The following EML5 variants were observed in gnomAD, a reference collection of about 807,000 sequenced individuals.
The protein encoded by EML5 is echinoderm microtubule-associated protein-like 5.
A neutral mutation model predicts 250.0 loss-of-function variants in EML5; 120 were observed. The observed-to-expected ratio is 0.48, with a 90% confidence interval of 0.41 to 0.56. The LOEUF (loss-of-function observed/expected upper bound fraction) is 0.56, where lower values mean the gene tolerates loss of function less well. EML5 is among the 20% of genes least tolerant of loss of function. The pLI is 0.00. For synonymous variants in EML5, 771 were observed against 806.5 expected, an observed-to-expected ratio of 0.96 and a Z score of 0.75; for missense variants, 2,006 against 2,437.6, an observed-to-expected ratio of 0.82 and a Z score of 3.73.
At chr14:88,616,669 T>C in intron 42 of EML5, 57 bp downstream of exon 42, 1 of 1,505,688 alleles carries the variant, frequency 6.6e-7, no homozygotes. Context: ...AAAGTGCTGA[T>C]GATAAGACAT....
chr14:88,666,331 A>G (rs2092306240), intron 21 of EML5, among the ~76,000 whole-genome samples: 2 of 152,156 alleles, frequency 1.3e-5, no homozygotes, highest in Non-Finnish European at 2.9e-5. Context: ...GGTTCAAGTG[A>G]TTCTCCTGCC....
At chr14:88,745,213 T>C (rs2093988326) in intron 3 of EML5, among the ~76,000 whole-genome samples, 1 of 132,396 alleles carries the variant, frequency 7.6e-6, no homozygotes, top group East Asian at 2.0e-4. Flanking sequence ...GGCCTCTCTG[T>C]GCACCTACTA....
intron 27 of EML5, 44 bp from the exon 28 acceptor site, chr14:88,649,970 A>G: frequency 1.4e-6 from 2 of 1,411,736 alleles, no homozygotes; most frequent in South Asian, 3.1e-5. Flanking sequence ...AACATATAAA[A>G]ATTGATGATG....
intron 32 of EML5, among the ~76,000 whole-genome samples, chr14:88,636,231 G>A (rs957490017): frequency 1.2e-4 from 19 of 152,220 alleles, no homozygotes; most frequent in Non-Finnish European, 1.9e-4. Context: ...CCATCTGGTA[G>A]AGAATTCTGG....
chr14:88,638,406 C>G (rs1227648777), intron 32 of EML5, among the ~76,000 whole-genome samples: 1 of 152,170 alleles, frequency 6.6e-6, no homozygotes, highest in Non-Finnish European at 1.5e-5. Flanking sequence ...CAGCCTGAAC[C>G]CCCACGGAAG....
At chr14:88,768,270 T>G (rs972805689) in intron 1 of EML5, among the ~76,000 whole-genome samples, 1 of 152,190 alleles carries the variant, frequency 6.6e-6, no homozygotes, top group Non-Finnish European at 1.5e-5. Context: ...AAGTTTTTCT[T>G]TGTAGTCACT....
chr14:88,667,633 C>A (rs963465864), intron 21 of EML5, among the ~76,000 whole-genome samples: 1 of 152,074 alleles, frequency 6.6e-6, no homozygotes, highest in East Asian at 1.9e-4. Flanking sequence ...TGCTAGCTTG[C>A]CAGTAGAGGG....
chr14:88,646,001 C>A (rs1818826537), intron 29 of EML5, among the ~76,000 whole-genome samples: 1 of 152,126 alleles, frequency 6.6e-6, no homozygotes, highest in Non-Finnish European at 1.5e-5. Flanking sequence ...ATTTTTATCT[C>A]AACCATTATT....
intron 9 of EML5, among the ~76,000 whole-genome samples, chr14:88,714,149 T>C (rs2093452968): frequency 1.3e-5 from 2 of 152,154 alleles, no homozygotes; most frequent in African/African-American, 4.8e-5. Context: ...GCAAAGTTTA[T>C]TTGAGATAAA....
At chr14:88,669,759 T>A (rs1014092069) in intron 21 of EML5, among the ~76,000 whole-genome samples, 6 of 152,172 alleles carry the variant, frequency 3.9e-5, no homozygotes, top group African/African-American at 1.4e-4. Context: ...CTTCATTAAG[T>A]GGGTCCTGGA....
Position 88,740,335 on chromosome 14 carries a change from A to G in EML5, c.711+52T>C, listed in dbSNP as rs2093906312. 6.1e-6 allele frequency: 9 copies of G among 1,470,384 alleles called. No individual in the cohort carries two copies. In the South Asian group the frequency reaches 1.3e-4, roughly 21 times the overall value. The allele number at this position is 1,470,384 out of a possible 1,614,324, so 91.1% of individuals were successfully genotyped here. On this transcript the variant is annotated intron_variant, in intron 5 of 43. Transcript: ENST00000554922. ...ATATTACGCAGTCTATCATTCTAAG[A>G]CAAGGTTAAGTAATACACATGAAAG...
At chr14:88,758,443 C>A (rs894943074) in intron 1 of EML5, among the ~76,000 whole-genome samples, 9 of 152,122 alleles carry the variant, frequency 5.9e-5, no homozygotes, top group Admixed American at 5.2e-4. Flanking sequence ...GATCCACCTG[C>A]CTTGGCCTCC....
chr14:88,768,912 C>T (rs1440390672), intron 1 of EML5, among the ~76,000 whole-genome samples: 3 of 152,172 alleles, frequency 2.0e-5, no homozygotes, highest in South Asian at 4.1e-4. Flanking sequence ...GTGGGCCATA[C>T]AGTTTCTGTC....
intron 1 of EML5, among the ~76,000 whole-genome samples, chr14:88,783,232 G>A (rs1185506711): frequency 6.6e-6 from 1 of 152,194 alleles, no homozygotes; most frequent in Non-Finnish European, 1.5e-5. Flanking sequence ...ACACAAATGT[G>A]GGGTTGGATC....
chr14:88,635,654 G>A (rs1394466151), intron 32 of EML5, among the ~76,000 whole-genome samples: 1 of 152,152 alleles, frequency 6.6e-6, no homozygotes, highest in Admixed American at 6.5e-5. Flanking sequence ...TAGAGTTTGG[G>A]CAGCATGAGA....
intron 1 of EML5, among the ~76,000 whole-genome samples, chr14:88,789,472 G>A (rs938400647): frequency 2.6e-5 from 4 of 151,974 alleles, no homozygotes; most frequent in Non-Finnish European, 5.9e-5. Flanking sequence ...GAAATGTCAT[G>A]TGGCACCACC....
chr14:88,636,938 C>A (rs2090770424), intron 32 of EML5, among the ~76,000 whole-genome samples: 1 of 152,108 alleles, frequency 6.6e-6, no homozygotes. Flanking sequence ...ATATACTTGG[C>A]CCTAAAATTC....
intron 31 of EML5, among the ~76,000 whole-genome samples, chr14:88,639,780 T>C (rs905449671): frequency 6.6e-6 from 1 of 152,040 alleles, no homozygotes; most frequent in East Asian, 1.9e-4. Flanking sequence ...GGGGTTTTGC[T>C]GTGTTGGCCA....
At chr14:88,719,110 G>A (rs2093550442) in intron 8 of EML5, among the ~76,000 whole-genome samples, 1 of 152,134 alleles carries the variant, frequency 6.6e-6, no homozygotes, top group African/African-American at 2.4e-5. Context: ...ATTTGACTAG[G>A]CATGGTGGCT....
Sources: gnomAD v4.1 joint callset for allele counts (sites outside exome capture counted in the v4.1 genomes callset) on GRCh38, gnomAD v4.1.1 for gene constraint, MANE v1.5 for transcripts, NCBI Gene and HGNC (gene_info 2026-07-23, HGNC 2026-07-21) for gene names.